HDHD2: variants seen among roughly 807,000 people sequenced by gnomAD.
HDHD2 encodes haloacid dehalogenase-like hydrolase domain-containing protein 2.
HDHD2 carries 26 observed loss-of-function variants against 24.8 expected under a neutral mutation model. The observed-to-expected ratio is 1.05, with a 90% CI of 0.77 to 1.45. The LOEUF (loss-of-function observed/expected upper bound fraction) is 1.45. HDHD2 is among the 40% of genes most tolerant of loss of function. The pLI, the probability that HDHD2 is intolerant of heterozygous loss-of-function variation, is 0.00. For missense variants in HDHD2, 299 were observed against 313.4 expected, an observed-to-expected ratio of 0.95 and a Z score of 0.35; for synonymous variants, 128 against 114.9, an observed-to-expected ratio of 1.11 and a Z score of -0.73.
chr18:47,148,106 T>A (rs2063891577), intron 1 of HDHD2, among the ~76,000 whole-genome samples: 1 of 149,956 alleles, frequency 6.7e-6, no homozygotes, highest in Non-Finnish European at 1.5e-5. Context: ...TCCTCCCACC[T>A]CCGCCTCCCA....
intron 4 of HDHD2, among the ~76,000 whole-genome samples, chr18:47,124,036 G>A (rs1445475335): frequency 6.6e-6 from 1 of 152,184 alleles, no homozygotes; most frequent in Non-Finnish European, 1.5e-5. Flanking sequence ...CTTGATTTAC[G>A]TCAAAAGCAC....
intron 1 of HDHD2, among the ~76,000 whole-genome samples, chr18:47,140,436 T>C (rs2063809636): frequency 6.6e-6 from 1 of 152,254 alleles, no homozygotes; most frequent in African/African-American, 2.4e-5. Context: ...TATTTTAAAT[T>C]ACTTTTCTAA....
intron 4 of HDHD2, among the ~76,000 whole-genome samples, chr18:47,118,891 T>C (rs1277209456): frequency 6.7e-6 from 1 of 148,524 alleles, no homozygotes; most frequent in Non-Finnish European, 1.5e-5. Flanking sequence ...CAATCTGGGA[T>C]TCTTCCAAAT....
intron 6 of HDHD2, 68 bp from the exon 7 acceptor site, chr18:47,108,853 G>T: frequency 2.2e-6 from 2 of 892,496 alleles, no homozygotes; most frequent in Non-Finnish European, 3.7e-6. Context: ...TACCCCATGA[G>T]CACCTGGGTC....
At chr18:47,143,197 A>G (rs1033726996) in intron 1 of HDHD2, among the ~76,000 whole-genome samples, 1 of 152,186 alleles carries the variant, frequency 6.6e-6, no homozygotes, top group Non-Finnish European at 1.5e-5. Context: ...CGCACCTGTA[A>G]TCCCAGCACT....
chr18:47,108,016 G>C lies in HDHD2; in HGVS notation c.*666C>G, dbSNP rs910790671. ...TATAATAGGTATCTGCAATGAATAGGTTATTAATGGAAATATTAATTTAAA... is the reference window on the plus strand; with the variant it reads ...TATAATAGGTATCTGCAATGAATAGCTTATTAATGGAAATATTAATTTAAA... On this transcript the variant is annotated 3_prime_UTR_variant, in exon 7 of 7. Transcript: ENST00000300605. The C allele has an allele frequency of 6.6e-6, 1 of 152,606 alleles. No homozygotes were observed. Among genetic ancestry groups the C allele is most frequent in the African/African-American group, 2.4e-5 (1 of 41,430 alleles). 9.5% of individuals were successfully genotyped at this position (152,606 alleles called of 1,614,324 possible). A position where few individuals can be genotyped will look rare whatever the true frequency, so the allele number is the denominator to read the frequency against.
intron 4 of HDHD2, among the ~76,000 whole-genome samples, chr18:47,125,283 T>A (rs1164849906): frequency 2.0e-5 from 3 of 152,230 alleles, no homozygotes; most frequent in Non-Finnish European, 4.4e-5. Context: ...CATTTGTAGC[T>A]AGCAAGAATG....
At chr18:47,116,224 C>T (rs899334850) in intron 4 of HDHD2, among the ~76,000 whole-genome samples, 1 of 152,200 alleles carries the variant, frequency 6.6e-6, no homozygotes, top group African/African-American at 2.4e-5. Flanking sequence ...TACTCACGCA[C>T]ATATTATCAT....
chr18:47,139,231 G>T (rs998647115), intron 1 of HDHD2, among the ~76,000 whole-genome samples: 2 of 151,910 alleles, frequency 1.3e-5, no homozygotes, highest in African/African-American at 2.4e-5. Flanking sequence ...GGCTGAGGTG[G>T]GTGGATCACG....
At chr18:47,112,843 G>A in intron 6 of HDHD2, 134 bp downstream of exon 6, 1 of 704,146 alleles carries the variant, frequency 1.4e-6, no homozygotes, top group Non-Finnish European at 2.4e-6. Flanking sequence ...ATCCTAAGCT[G>A]TTTTATTTTT....
At chr18:47,124,504 C>T (rs187135129) in intron 4 of HDHD2, among the ~76,000 whole-genome samples, 40 of 151,404 alleles carry the variant, frequency 2.6e-4, no homozygotes, top group Middle Eastern at 6.8e-3. Flanking sequence ...GTCGGGAGTT[C>T]GAGACCAGCC....
intron 1 of HDHD2, among the ~76,000 whole-genome samples, chr18:47,147,594 A>G (rs2063884744): frequency 6.6e-6 from 1 of 152,252 alleles, no homozygotes; most frequent in Admixed American, 6.5e-5. Flanking sequence ...ATTCAAGAAG[A>G]AACGTTACCT....
chr18:47,111,292 G>T, intron 6 of HDHD2: 3 of 984,830 alleles, frequency 3.0e-6, no homozygotes, highest in Non-Finnish European at 3.6e-6. Flanking sequence ...GAGACCAGCT[G>T]GGGGAGCTGG....
intron 4 of HDHD2, among the ~76,000 whole-genome samples, chr18:47,122,510 T>TTA (rs2063616954): frequency 6.6e-6 from 1 of 152,180 alleles, no homozygotes; most frequent in Non-Finnish European, 1.5e-5. Flanking sequence ...GGGGCAAAAC[T>TTA]GTCCCTGATT....
Position 47,108,688 on chromosome 18 carries a change from T to C in HDHD2, c.774A>G (p.Leu258=), listed in dbSNP as rs774643371. ...TTCAGATGCACACACTGCTTCACAATAGGTGCTGCAGAATGTGGTCCACAG... is the reference window on the plus strand; with the variant it reads ...TTCAGATGCACACACTGCTTCACAACAGGTGCTGCAGAATGTGGTCCACAG... ...PHAVDHILQH[L]L Residue 258 remains leucine (L), a synonymous_variant, in exon 7 of 7, where the codon CTA becomes CTG. Transcript: ENST00000300605. The C allele has an allele frequency of 2.0e-5, 32 of 1,564,986 alleles. 1 individual carries two copies. The South Asian group carries it at 3.0e-4, about 15-fold the overall frequency.
intron 4 of HDHD2, among the ~76,000 whole-genome samples, chr18:47,121,751 T>C (rs1468645661): frequency 6.6e-6 from 1 of 152,256 alleles, no homozygotes; most frequent in East Asian, 1.9e-4. Flanking sequence ...CCTTTCCCAT[T>C]ATTGACTGAG....
At chr18:47,111,731 C>T in intron 6 of HDHD2, 1 of 985,354 alleles carries the variant, frequency 1.0e-6, no homozygotes, top group Non-Finnish European at 1.2e-6. Flanking sequence ...ACTCTTTGTG[C>T]AGACCTTTGC....
chr18:47,128,985 A>C (rs1358068116), intron 4 of HDHD2, among the ~76,000 whole-genome samples: 1 of 152,148 alleles, frequency 6.6e-6, no homozygotes, highest in Non-Finnish European at 1.5e-5. Context: ...TGCACTGGTA[A>C]GAAAATTCTG....
Position 47,113,750 on chromosome 18 carries a change from GT to G in HDHD2, c.613-711del, listed in dbSNP as rs926241215. Among the ~76,000 whole-genome samples the G allele has an allele frequency of 7.9e-3, 1,170 of 147,724 alleles. 9 individuals carry two copies. The highest frequency in any genetic ancestry group is 0.023 in the African/African-American group (931 of 40,424). On this transcript the variant is annotated intron_variant, in intron 5 of 6. Coordinates refer to ENST00000300605, the MANE Select transcript of HDHD2 (RefSeq NM_032124.5). ...TTGATTCAGACCATGCCTGAAGAAAGTTTTTTTTTTTCCTTAAAAACCATTA... is the reference window on the plus strand; with the variant it reads ...TTGATTCAGACCATGCCTGAAGAAAGTTTTTTTTTTCCTTAAAAACCATTA...
Sources: allele counts gnomAD v4.1 joint callset (sites outside exome capture counted in the v4.1 genomes callset), GRCh38; gene constraint gnomAD v4.1.1; transcripts MANE v1.5; gene names NCBI Gene and HGNC (gene_info 2026-07-23, HGNC 2026-07-21).